CCSER1: variants seen among roughly 807,000 people sequenced by gnomAD.
CCSER1 encodes the protein serine-rich coiled-coil domain-containing protein 1.
A neutral mutation model predicts 82.0 loss-of-function variants in CCSER1; 41 were observed. The observed-to-expected ratio is 0.50, with a 90% confidence interval of 0.39 to 0.65. The LOEUF is 0.65. Ranked by LOEUF, CCSER1 falls within the 30% of genes least tolerant of loss-of-function variation. The pLI is 0.00. For synonymous variants in CCSER1, 414 were observed against 383.9 expected (o/e 1.08, Z -0.92); for missense variants, 1,119 against 1,064.2 (o/e 1.05, Z -0.72).
chr4:90,853,728 A>C (rs773260479), intron 8 of CCSER1, among the ~76,000 whole-genome samples: 2 of 152,184 alleles, frequency 1.3e-5, no homozygotes, highest in Non-Finnish European at 2.9e-5. Context: ...GTTCTGAGGA[A>C]TAATACATAG....
chr4:91,464,891 C>G (rs988646253), intron 10 of CCSER1, among the ~76,000 whole-genome samples: 2 of 152,140 alleles, frequency 1.3e-5, no homozygotes, highest in Non-Finnish European at 2.9e-5. Context: ...CTTAGACTCC[C>G]ACACAACAGT....
intron 5 of CCSER1, among the ~76,000 whole-genome samples, chr4:90,585,656 T>A (rs1345340956): frequency 6.6e-6 from 1 of 151,936 alleles, no homozygotes; most frequent in Non-Finnish European, 1.5e-5. Flanking sequence ...GTTGAATGAC[T>A]TTTTTTTCAT....
At position 91,055,171 on chromosome 4, in the gene CCSER1, C is replaced by G. The variant is rs1743334902; in HGVS notation, c.2173-30779C>G. ...TAAAGCAAAATTATATAGCTATTTG[C>G]TTTATGGGTACCATGGGGATTACAC... On this transcript the variant is annotated intron_variant, in intron 9 of 10. Coordinates refer to ENST00000509176, the MANE Select transcript of CCSER1 (RefSeq NM_001145065.2). Among the ~76,000 whole-genome samples, 3 of 151,884 alleles carry G rather than the reference C, an allele frequency of 2.0e-5. No homozygotes were observed. In the South Asian group the frequency reaches 6.2e-4, roughly 32 times the overall value.
At chr4:90,529,509 C>A (rs560003130) in intron 5 of CCSER1, among the ~76,000 whole-genome samples, 1 of 152,128 alleles carries the variant, frequency 6.6e-6, no homozygotes, top group South Asian at 2.1e-4. Context: ...GGATTACAGG[C>A]GTGAGCCACC....
intron 8 of CCSER1, among the ~76,000 whole-genome samples, chr4:90,842,169 T>G (rs1451667591): frequency 6.6e-6 from 1 of 152,214 alleles, no homozygotes; most frequent in African/African-American, 2.4e-5. Context: ...CAAAACATCT[T>G]TAAACAAAGC....
intron 4 of CCSER1, among the ~76,000 whole-genome samples, chr4:90,408,688 T>C (rs1215956163): frequency 6.6e-6 from 1 of 151,582 alleles, no homozygotes; most frequent in African/African-American, 2.4e-5. Flanking sequence ...AGGGGAAAAA[T>C]AGAACAGAAA....
chr4:91,499,965 A>G (rs368077336), intron 10 of CCSER1, among the ~76,000 whole-genome samples: 16 of 152,056 alleles, frequency 1.1e-4, no homozygotes, highest in African/African-American at 3.9e-4. Flanking sequence ...GTGCATATAT[A>G]TTTCAATTAA....
intron 8 of CCSER1, among the ~76,000 whole-genome samples, chr4:90,868,956 A>G (rs1035686407): frequency 1.3e-4 from 19 of 151,986 alleles, no homozygotes; most frequent in Non-Finnish European, 2.2e-4. Flanking sequence ...CTGATGATCA[A>G]TGATGTTGAG....
rs1288316539 is a variant in CCSER1, at chr4:90,534,470, TG to T, written c.1724+66117del. Among the ~76,000 whole-genome samples the T allele has an allele frequency of 7.4e-4, 112 of 151,812 alleles. 1 individual carries two copies. Among genetic ancestry groups the T allele is most frequent in the African/African-American group, 2.4e-3 (101 of 41,420 alleles). ...GTGTGTGTGTGTGTGTGTGTGTGTGTGTGTGTGTGTGTGTGTGTGATGTTTA... is the reference window on the plus strand; with the variant it reads ...GTGTGTGTGTGTGTGTGTGTGTGTGTTGTGTGTGTGTGTGTGTGATGTTTA... On this transcript the variant is annotated intron_variant, in intron 5 of 10. Transcript: ENST00000509176.
intron 5 of CCSER1, among the ~76,000 whole-genome samples, chr4:90,482,200 G>T (rs1766119383): frequency 6.6e-6 from 1 of 152,154 alleles, no homozygotes; most frequent in Non-Finnish European, 1.5e-5. Context: ...TTATATTTCT[G>T]TGGGATCGGT....
chr4:90,508,111 T>A (rs1770965690), intron 5 of CCSER1, among the ~76,000 whole-genome samples: 1 of 152,088 alleles, frequency 6.6e-6, no homozygotes, highest in Non-Finnish European at 1.5e-5. Flanking sequence ...ATTGTTTATC[T>A]TTTGGTTGGA....
chr4:90,447,634 T>C (rs1367412764), intron 4 of CCSER1, among the ~76,000 whole-genome samples: 2 of 152,312 alleles, frequency 1.3e-5, no homozygotes, highest in African/African-American at 4.8e-5. Flanking sequence ...GATTAAAAAC[T>C]AAAACTTGCA....
chr4:90,395,659 T>C (rs944589717), intron 3 of CCSER1, among the ~76,000 whole-genome samples: 4 of 150,558 alleles, frequency 2.7e-5, no homozygotes, highest in African/African-American at 5.0e-5. Flanking sequence ...TGTGCTCTTA[T>C]GTCTTTTTTT....
At chr4:90,216,411 A>G (rs1254770762) in intron 1 of CCSER1, among the ~76,000 whole-genome samples, 2 of 152,212 alleles carry the variant, frequency 1.3e-5, no homozygotes, top group Admixed American at 1.3e-4. Flanking sequence ...AGTGAGGTGT[A>G]TAGTGTTTTT....
rs532475060 is a variant in CCSER1, at chr4:91,555,019, A to G, written c.2218-43553A>G. Among the ~76,000 whole-genome samples the G allele has an allele frequency of 6.5e-4, 99 of 151,424 alleles. 1 individual carries two copies. Among genetic ancestry groups the G allele is most frequent in the South Asian group, 4.4e-3 (21 of 4,814 alleles). On this transcript the variant is annotated intron_variant, in intron 10 of 10. Coordinates refer to ENST00000509176, the MANE Select transcript of CCSER1 (RefSeq NM_001145065.2). ...TAAAATTGGACCCTTATCTCATGCC[A>G]TATGTAAAAATTGACTCAAATTGGA...
chr4:90,137,124 T>C (rs1723840155), intron 1 of CCSER1, among the ~76,000 whole-genome samples: 1 of 152,162 alleles, frequency 6.6e-6, no homozygotes, highest in African/African-American at 2.4e-5. Context: ...TTAAAAGTAC[T>C]CATTAATAAA....
At chr4:90,905,952 CAG>C (rs1012445905) in intron 8 of CCSER1, among the ~76,000 whole-genome samples, 1 of 151,986 alleles carries the variant, frequency 6.6e-6, no homozygotes, top group Non-Finnish European at 1.5e-5. Context: ...TCTAATTACA[CAG>C]AGAGAAAAAG....
At chr4:91,540,221 A>C (rs1476429725) in intron 10 of CCSER1, among the ~76,000 whole-genome samples, 1 of 152,102 alleles carries the variant, frequency 6.6e-6, no homozygotes, top group Non-Finnish European at 1.5e-5. Flanking sequence ...TCAAACCTAC[A>C]TTGATGCATC....
intron 10 of CCSER1, among the ~76,000 whole-genome samples, chr4:91,535,866 G>T (rs570434606): frequency 1.8e-4 from 28 of 152,128 alleles, no homozygotes; most frequent in African/African-American, 6.3e-4. Context: ...AATGCTTACA[G>T]GGTACTTATA....
Sources: allele counts gnomAD v4.1 joint callset (sites outside exome capture counted in the v4.1 genomes callset), GRCh38; gene constraint gnomAD v4.1.1; transcripts MANE v1.5; gene names NCBI Gene and HGNC (gene_info 2026-07-23, HGNC 2026-07-21).